Variants in MYBPC3 observed in about 807,000 individuals in gnomAD.
The protein encoded by MYBPC3 is myosin binding protein C3.
A neutral mutation model predicts 159.3 loss-of-function variants in MYBPC3; 108 were observed. That is an observed-to-expected ratio of 0.68 (90% CI 0.58 to 0.80). MYBPC3 has a LOEUF of 0.80. Among genes scored for constraint, MYBPC3 ranks in the 30% least tolerant of loss-of-function variants. The pLI, the probability that MYBPC3 is intolerant of heterozygous loss-of-function variation, is 0.00. For missense variants in MYBPC3, 1,631 were observed against 1,762.1 expected, an observed-to-expected ratio of 0.93 and a Z score of 1.33; for synonymous variants, 730 against 702.0, an observed-to-expected ratio of 1.04 and a Z score of -0.63.
chr11:47,332,749 C>A lies in MYBPC3; in HGVS notation c.3491-47G>T. 6.3e-7 allele frequency: 1 copy of A among 1,585,486 alleles called. No homozygotes were observed. The highest frequency in any genetic ancestry group is 1.1e-5 in the South Asian group (1 of 87,732). On this transcript the variant is annotated intron_variant, in intron 31 of 34. Coordinates refer to ENST00000545968, the MANE Select transcript of MYBPC3 (RefSeq NM_000256.3). The surrounding 1 kb of genome is among the most constrained non-coding windows in gnomAD (Gnocchi z 4.2). ...ACCGAGAGGGCCACACAAAGCTAGG[C>A]CCCTCTCCCTGTTCCCACAGCCTCC...
rs1222440581 is a variant in MYBPC3 at position 47,351,727 on chromosome 11, T to G, written c.26-222A>C. ...TCCTCCAAGATCACACAGCTAGCAG[T>G]CGGGAGAGCCAGGGCTGTGGTCCTG... On this transcript the variant is annotated intron_variant, in intron 1 of 34. Transcript: ENST00000545968. The surrounding 1 kb of genome is among the most constrained non-coding windows in gnomAD (Gnocchi z 4.2). Among the ~76,000 whole-genome samples the G allele has an allele frequency of 6.6e-6, 1 of 152,186 alleles. No individual in the cohort carries two copies. Among genetic ancestry groups the G allele is most frequent in the Non-Finnish European group, 1.5e-5 (1 of 68,034 alleles).
chr11:47,337,663 ACCT>A, intron 24 of MYBPC3, 24 bp downstream of exon 24: 1 of 1,597,752 alleles, frequency 6.3e-7, no homozygotes, highest in Non-Finnish European at 8.5e-7. Flanking sequence ...GCGCCCTCAC[ACCT>A]CCATCCGGTG....
Position 47,350,536 on chromosome 11 carries a change from G to T in MYBPC3, c.372C>A (p.Ala124=), listed in dbSNP as rs11570046. The change falls in exon 3 of 35, where the codon GCC becomes GCA. Residue 124 remains alanine (A), a synonymous_variant. Transcript: ENST00000545968. ...TTGGGGCACTTTCTCCCAGCTCAGC[G>T]GCTGGGGCCGGGGCTTCTCCAGGGG... ...TGAPGEAPAP[A]AELGESAPSP... 7 of 1,557,724 alleles carry T rather than the reference G, an allele frequency of 4.5e-6. No individual in the cohort carries two copies. In the African/African-American group the frequency reaches 9.7e-5, roughly 22 times the overall value.
At position 47,338,563 on chromosome 11, in the gene MYBPC3, G is replaced by T. The variant is rs1060501474; in HGVS notation, c.2265C>A (p.Asn755Lys). ...DEGVYTVTVK[N>K]PVGEDQVNLT... ...GGTTGACCTGGTCCTCGCCCACAGG[G>T]TTCTTCACTGTGACCGTGTAGACGC... The change falls in exon 23 of 35, where the codon AAC becomes AAA. Residue 755 changes from asparagine (N) to lysine (K), a missense_variant. Asn to Lys is a moderately conservative substitution (Grantham distance 94, BLOSUM62 0). Transcript: ENST00000545968. The surrounding 1 kb of genome is among the most constrained non-coding windows in gnomAD (Gnocchi z 4.7). 2 of 1,614,022 alleles carry T rather than the reference G, an allele frequency of 1.2e-6. No individual in the cohort carries two copies. The highest frequency in any genetic ancestry group is 8.5e-7 in the Non-Finnish European group (1 of 1,179,890).
Position 47,346,262 on chromosome 11 carries a change from C to T in MYBPC3, c.1035G>A (p.Leu345=), listed in dbSNP as rs779704622. ...CCTTGAGCCTCTTTAGCATGCCGCG[C>T]AGGTCAGTGACGCCGTACTGGAAGG... The part of the protein sequence containing the change: ...RIAFQYGVTD[L]RGMLKRLKGM... Residue 345 remains leucine (L), a synonymous_variant, in exon 12 of 35, where the codon CTG becomes CTA. Coordinates refer to ENST00000545968, the MANE Select transcript of MYBPC3 (RefSeq NM_000256.3). The surrounding 1 kb of genome is among the most constrained non-coding windows in gnomAD (Gnocchi z 5.3). 6.2e-7 allele frequency: 1 copy of T among 1,613,930 alleles called. No homozygotes were observed. The highest frequency in any genetic ancestry group is 1.7e-5 in the Admixed American group (1 of 60,008).
At chr11:47,352,531 A>G in intron 1 of MYBPC3, 92 bp downstream of exon 1, 2 of 1,518,792 alleles carry the variant, frequency 1.3e-6, no homozygotes, top group South Asian at 2.4e-5. Context: ...CGTCCTCGTC[A>G]ACCCCCTCAA....
Position 47,331,593 on chromosome 11 carries a change from A to G in MYBPC3, c.*150T>C, listed in dbSNP as rs906425351. The G allele has an allele frequency of 5.7e-5, 28 of 495,082 alleles. No homozygotes were observed. Among genetic ancestry groups the G allele is most frequent in the South Asian group, 1.1e-4 (4 of 35,854 alleles). The allele number at this position is 495,082 out of a possible 1,614,324, so 30.7% of individuals were successfully genotyped here. A position where few individuals can be genotyped will look rare whatever the true frequency, so the allele number is the denominator to read the frequency against. ...AACACCCACTCAGGACTGCCCGACA[A>G]CTGCCCTGCTGATCCCCCATCGCAG... is the stretch of plus-strand genomic sequence containing the variant. On this transcript the variant is annotated 3_prime_UTR_variant, in exon 35 of 35. Coordinates refer to ENST00000545968, the MANE Select transcript of MYBPC3 (RefSeq NM_000256.3).
rs2095877898 is a variant in MYBPC3, at chr11:47,332,242, A to T, written c.3644T>A (p.Phe1215Tyr). 1 of 1,613,674 alleles carries T rather than the reference A, an allele frequency of 6.2e-7. No individual in the cohort carries two copies. Among genetic ancestry groups the T allele is most frequent in the Admixed American group, 1.7e-5 (1 of 60,002 alleles). ...RGSPKPKISW[F>Y]KNGLDLGEDA... The stretch of plus-strand genomic sequence containing the variant: ...TTCTCCCAGGTCCAGGCCATTCTTG[A>T]ACCAGGAAATCTTGGGCTATAAATA... The change falls in exon 33 of 35, where the codon TTC (phenylalanine) becomes TAC (tyrosine). Residue 1215 changes from phenylalanine to tyrosine, a missense_variant. By Grantham distance (22) the Phe-to-Tyr change is conservative. Transcript: ENST00000545968. The surrounding 1 kb of genome is among the most constrained non-coding windows in gnomAD (Gnocchi z 4.2).
rs770102135 is a variant in MYBPC3, at chr11:47,332,136, G to C, written c.3750C>G (p.Ile1250Met). 6.2e-6 allele frequency: 10 copies of C among 1,613,716 alleles called. No individual in the cohort carries two copies. The East Asian group carries it at 2.2e-4, about 36-fold the overall frequency. Reference sequence around the variant, plus strand: ...GTAAGTTGGTGGCCCTGCAGACATAGATGCCCCCGTCAAAGGGGCAGGGCT... The same window carrying C: ...GTAAGTTGGTGGCCCTGCAGACATACATGCCCCCGTCAAAGGGGCAGGGCT... ...IRKPCPFDGG[I>M]YVCRATNLQG... is the part of the protein sequence containing the mutation. The change falls in exon 33 of 35, where the codon ATC (isoleucine) becomes ATG (methionine). Residue 1250 changes from isoleucine to methionine, a missense_variant. Coordinates refer to ENST00000545968, the MANE Select transcript of MYBPC3 (RefSeq NM_000256.3). The surrounding 1 kb of genome is among the most constrained non-coding windows in gnomAD (Gnocchi z 4.2).
chr11:47,337,952 C>CT lies in MYBPC3; in HGVS notation c.2309-159dup, dbSNP rs11323436. Among the ~76,000 whole-genome samples the CT allele has an allele frequency of 0.039, 4,595 of 116,620 alleles. 186 individuals are homozygous for CT. The highest frequency in any genetic ancestry group is 0.096 in the African/African-American group (2,745 of 28,722). The allele number at this position is 116,620 out of a possible 152,430, so 76.5% of individuals were successfully genotyped here. A position where few individuals can be genotyped will look rare whatever the true frequency, so the allele number is the denominator to read the frequency against. ...TAGAATGCATTTCTTTCTTCTTTTCCTTTTTTTTTTTTTTTTTTTAGTGAT... is the reference window on the plus strand; with the variant it reads ...TAGAATGCATTTCTTTCTTCTTTTCCTTTTTTTTTTTTTTTTTTTTAGTGAT... On this transcript the variant is annotated intron_variant, in intron 23 of 34. Coordinates refer to ENST00000545968, the MANE Select transcript of MYBPC3 (RefSeq NM_000256.3).
At position 47,335,863 on chromosome 11, in the gene MYBPC3, G is replaced by A. The variant is rs886048373; in HGVS notation, c.2737+14C>T. The A allele has an allele frequency of 3.4e-6, 5 of 1,464,306 alleles. No homozygotes were observed. The highest frequency in any genetic ancestry group is 3.6e-6 in the Non-Finnish European group (4 of 1,097,632). 90.7% of individuals were successfully genotyped at this position (1,464,306 alleles called of 1,614,324 possible). A position where few individuals can be genotyped will look rare whatever the true frequency, so the allele number is the denominator to read the frequency against. ...CTTCCTTTGGGGAGGGGGGTTGGGG[G>A]CGGGGACACTCACAGCCCTCTGGGC... On this transcript the variant is annotated intron_variant, in intron 26 of 34. Transcript: ENST00000545968.
At chr11:47,335,236 C>T (rs2857542) in intron 26 of MYBPC3, 27 bp from the exon 27 acceptor site, 1 of 1,556,820 alleles carries the variant, frequency 6.4e-7, no homozygotes, top group African/African-American at 1.4e-5. Context: ...GGAGGCAAGG[C>T]CACAGGCTGT....
intron 5 of MYBPC3, among the ~76,000 whole-genome samples, chr11:47,349,390 T>A (rs1370204133): frequency 6.6e-6 from 1 of 152,146 alleles, no homozygotes; most frequent in Non-Finnish European, 1.5e-5. Context: ...CCCTTAGCCC[T>A]GATACTCACC....
chr11:47,348,530 G>A lies in MYBPC3; in HGVS notation c.666C>T (p.Phe222=), dbSNP rs371331114. The change falls in exon 6 of 35, where the codon TTC becomes TTT. Residue 222 remains phenylalanine, a synonymous_variant. Transcript: ENST00000545968. ...GCTGGGCATCGGTGATGTGCAGCTCGAACAGATAGACCTGTGTGCATGGAG... is the reference window on the plus strand; with the variant it reads ...GCTGGGCATCGGTGATGTGCAGCTCAAACAGATAGACCTGTGTGCATGGAG... The part of the protein sequence containing the change: ...SYDRASKVYL[F]ELHITDAQPA... 50 of 1,612,180 alleles carry A rather than the reference G, an allele frequency of 3.1e-5. No individual in the cohort carries two copies. In the African/African-American group the frequency reaches 3.3e-4, roughly 11 times the overall value.
chr11:47,347,307 G>A, intron 9 of MYBPC3, 119 bp downstream of exon 9: 3 of 1,536,210 alleles, frequency 2.0e-6, no homozygotes, highest in Middle Eastern at 1.7e-4. Context: ...CGACAGACAA[G>A]GAAACCAACT....
In MYBPC3 at chr11:47,337,761, C is replaced by T. The variant is rs1248253106; in HGVS notation, c.2342G>A (p.Ser781Asn). 1 of 1,554,808 alleles carries T rather than the reference C, an allele frequency of 6.4e-7. No homozygotes were observed. The highest frequency in any genetic ancestry group is 8.7e-7 in the Non-Finnish European group (1 of 1,149,012). ...TGTGCAGGAGTCCTCTCCCACGTTG[C>T]TGATCTTGGGGGCCGCAGGTGCGTC... ...VPDAPAAPKI[S>N]NVGEDSCTVQ... The change falls in exon 24 of 35, where the codon AGC (serine) becomes AAC (asparagine). Residue 781 changes from serine (S) to asparagine (N), a missense_variant. Transcript: ENST00000545968.
In MYBPC3 at chr11:47,350,068, C is replaced by T. The variant is rs397516051; in HGVS notation, c.451G>A (p.Asp151Asn). The stretch of plus-strand genomic sequence containing the variant: ...ATCACGAAGAGGCCAATGGGGTCAT[C>T]GGGGGCTCCAGGGGTAGGACCATTG... ...ALNGPTPGAP[D>N]DPIGLFVMRP... Residue 151 changes from aspartate to asparagine, a missense_variant, in exon 4 of 35, where the codon GAT (aspartate) becomes AAT (asparagine). Physicochemically the swap from Asp to Asn is conservative, Grantham distance 23. Coordinates refer to ENST00000545968, the MANE Select transcript of MYBPC3 (RefSeq NM_000256.3). 31 of 1,563,058 alleles carry T rather than the reference C, an allele frequency of 2.0e-5. No homozygotes were observed. The highest frequency in any genetic ancestry group is 1.3e-4 in the South Asian group (11 of 84,832).
chr11:47,338,397 T>C lies in MYBPC3; in HGVS notation c.2308+123A>G. The C allele has an allele frequency of 3.6e-6, 5 of 1,404,826 alleles. No individual in the cohort carries two copies. In the South Asian group the frequency reaches 6.7e-5, roughly 19 times the overall value. 87.0% of individuals were successfully genotyped at this position (1,404,826 alleles called of 1,614,324 possible). On this transcript the variant is annotated intron_variant, in intron 23 of 34. Transcript: ENST00000545968. The surrounding 1 kb of genome is among the most constrained non-coding windows in gnomAD (Gnocchi z 4.7). Reference sequence around the variant, plus strand: ...TCCTTTTGGGCAGAAAAACCTGTCCTGTTGCCGCTCGGCTCAGGGAGCATG... The same window carrying C: ...TCCTTTTGGGCAGAAAAACCTGTCCCGTTGCCGCTCGGCTCAGGGAGCATG...
rs764528392 is a variant in MYBPC3, at chr11:47,332,059, G to A, written c.3814+13C>T. On this transcript the variant is annotated intron_variant, in intron 33 of 34. Transcript: ENST00000545968. The surrounding 1 kb of genome is among the most constrained non-coding windows in gnomAD (Gnocchi z 4.2). ...TTCCCATCTCCCAGGCCCTGGCCCC[G>A]AGGGCTCCTCACCTCGCACCTCCAG... 18 of 1,605,656 alleles carry A rather than the reference G, an allele frequency of 1.1e-5. No individual in the cohort carries two copies. Among genetic ancestry groups the A allele is most frequent in the East Asian group, 4.5e-5 (2 of 44,760 alleles).
Sources: allele counts gnomAD v4.1 joint callset (sites outside exome capture counted in the v4.1 genomes callset), GRCh38; gene constraint gnomAD v4.1.1; non-coding constraint Gnocchi (gnomAD v3.1); transcripts MANE v1.5; gene names NCBI Gene and HGNC (gene_info 2026-07-23, HGNC 2026-07-21).